CALCR: variants seen among roughly 807,000 people sequenced by gnomAD.
CALCR encodes calcitonin receptor.
Under a neutral mutation model 59.5 loss-of-function variants are expected in CALCR, and 47 were observed. The observed-to-expected ratio is 0.79, with a 90% CI of 0.63 to 1.01. The LOEUF (loss-of-function observed/expected upper bound fraction) is 1.01, where lower values mean the gene tolerates loss of function less well. Among genes scored for constraint, CALCR ranks in the 50% least tolerant of loss-of-function variants. The pLI is 0.00. For synonymous variants in CALCR, 213 were observed against 211.3 expected (o/e 1.01, Z -0.07); for missense variants, 566 against 597.1 (o/e 0.95, Z 0.54).
intron 8 of CALCR, among the ~76,000 whole-genome samples, chr7:93,447,819 C>T (rs945920315): frequency 6.6e-6 from 1 of 151,904 alleles, no homozygotes; most frequent in Non-Finnish European, 1.5e-5. Flanking sequence ...GTTTTCCTTA[C>T]TAAAATGCCA....
At position 93,430,509 on chromosome 7, in the gene CALCR, T is replaced by C. The variant is rs77835354; in HGVS notation, c.1191+3744A>G. ...TATGTTTGGGGAAGATTCCTTGCTC[T>C]AAAGGGTAACAATACCTAAGTATCA... On this transcript the variant is annotated intron_variant, in intron 13 of 13. Coordinates refer to ENST00000426151, the MANE Select transcript of CALCR (RefSeq NM_001742.4). 4.1e-3 allele frequency among the ~76,000 whole-genome samples: 618 copies of C among 152,334 alleles called. 5 individuals are homozygous for C. Among genetic ancestry groups the C allele is most frequent in the African/African-American group, 0.014 (584 of 41,576 alleles).
chr7:93,474,543 A>T (rs369945575), intron 5 of CALCR, among the ~76,000 whole-genome samples: 2 of 151,896 alleles, frequency 1.3e-5, no homozygotes, highest in African/African-American at 4.8e-5. Context: ...GAATTGGCCA[A>T]GCAACTGAAA....
intron 2 of CALCR, among the ~76,000 whole-genome samples, chr7:93,553,867 A>C (rs1286612355): frequency 6.6e-6 from 1 of 152,172 alleles, no homozygotes; most frequent in Admixed American, 6.6e-5. Flanking sequence ...TACATGGTAC[A>C]AATCCATGCT....
intron 2 of CALCR, among the ~76,000 whole-genome samples, chr7:93,522,856 T>A (rs986270248): frequency 2.0e-5 from 3 of 152,206 alleles, no homozygotes; most frequent in African/African-American, 4.8e-5. Context: ...AGTCATGTTC[T>A]GTTATGCCAC....
chr7:93,456,416 TG>T (rs1173346730), intron 8 of CALCR, among the ~76,000 whole-genome samples: 2 of 151,870 alleles, frequency 1.3e-5, no homozygotes, highest in Non-Finnish European at 2.9e-5. Flanking sequence ...CCAAGTTTTT[TG>T]CCTCTTTGTT....
chr7:93,432,908 A>G (rs1184211124), intron 13 of CALCR, among the ~76,000 whole-genome samples: 1 of 152,216 alleles, frequency 6.6e-6, no homozygotes, highest in Non-Finnish European at 1.5e-5. Flanking sequence ...TCTAAAAAAT[A>G]TTAAAATTCT....
chr7:93,464,572 T>C (rs1415271205), intron 7 of CALCR, among the ~76,000 whole-genome samples: 2 of 151,990 alleles, frequency 1.3e-5, no homozygotes, highest in Non-Finnish European at 2.9e-5. Flanking sequence ...CAATATATTA[T>C]ATATCTTCCC....
chr7:93,484,070 A>T, intron 3 of CALCR: 1 of 476,212 alleles, frequency 2.1e-6, no homozygotes, highest in Non-Finnish European at 4.6e-6. Flanking sequence ...TCAGTCGACA[A>T]ATACTTTGAG....
chr7:93,473,913 A>T (rs1800610675), intron 5 of CALCR, among the ~76,000 whole-genome samples: 1 of 151,620 alleles, frequency 6.6e-6, no homozygotes, highest in Non-Finnish European at 1.5e-5. Context: ...TTTTTTAGGC[A>T]GTGTATATGT....
intron 3 of CALCR, among the ~76,000 whole-genome samples, chr7:93,481,382 T>C (rs1800793045): frequency 6.6e-6 from 1 of 151,728 alleles, no homozygotes; most frequent in Non-Finnish European, 1.5e-5. Context: ...GATCAGTCCA[T>C]GTTGGAACAA....
chr7:93,427,996 T>A (rs1347647082), intron 13 of CALCR, among the ~76,000 whole-genome samples: 1 of 152,068 alleles, frequency 6.6e-6, no homozygotes, highest in Non-Finnish European at 1.5e-5. Flanking sequence ...AGGCAACACA[T>A]CCTGAGTTTT....
intron 2 of CALCR, among the ~76,000 whole-genome samples, chr7:93,561,982 C>A (rs1476547277): frequency 6.6e-6 from 1 of 151,992 alleles, no homozygotes; most frequent in Non-Finnish European, 1.5e-5. Context: ...TAAGCCTCAT[C>A]ATTTCCTGGA....
At chr7:93,521,462 G>A (rs1294361754) in intron 2 of CALCR, among the ~76,000 whole-genome samples, 1 of 152,008 alleles carries the variant, frequency 6.6e-6, no homozygotes, top group Non-Finnish European at 1.5e-5. Context: ...TTCCCAAATA[G>A]ATATTTTTTC....
chr7:93,553,069 C>A (rs996065410), intron 2 of CALCR, among the ~76,000 whole-genome samples: 5 of 152,082 alleles, frequency 3.3e-5, no homozygotes, highest in African/African-American at 4.8e-5. Context: ...AAATATATCA[C>A]GTTATTTTAG....
intron 13 of CALCR, among the ~76,000 whole-genome samples, chr7:93,426,857 C>T (rs1378624332): frequency 2.6e-5 from 4 of 152,120 alleles, no homozygotes. Flanking sequence ...CTTTCATATC[C>T]AATGAATAAA....
chr7:93,549,684 C>A (rs958026435), intron 2 of CALCR, among the ~76,000 whole-genome samples: 3 of 152,150 alleles, frequency 2.0e-5, no homozygotes, highest in African/African-American at 7.2e-5. Context: ...GATAAACCTC[C>A]TCTATTAGGG....
intron 9 of CALCR, 42 bp downstream of exon 9, chr7:93,443,562 G>A: frequency 5.7e-6 from 9 of 1,583,416 alleles, no homozygotes; most frequent in Non-Finnish European, 7.8e-6. Context: ...CATACAGACA[G>A]AGGTGAAAGT....
At chr7:93,531,454 T>C (rs1168546963) in intron 2 of CALCR, among the ~76,000 whole-genome samples, 1 of 152,094 alleles carries the variant, frequency 6.6e-6, no homozygotes, top group African/African-American at 2.4e-5. Flanking sequence ...CCATCACACA[T>C]TAACTTTACA....
At chr7:93,526,411 G>T (rs866934433) in intron 2 of CALCR, among the ~76,000 whole-genome samples, 1 of 151,792 alleles carries the variant, frequency 6.6e-6, no homozygotes, top group African/African-American at 2.4e-5. Flanking sequence ...AAAAGGCAGA[G>T]AATTACCAAT....
Sources: allele counts gnomAD v4.1 joint callset (sites outside exome capture counted in the v4.1 genomes callset), GRCh38; gene constraint gnomAD v4.1.1; transcripts MANE v1.5; gene names NCBI Gene and HGNC (gene_info 2026-07-23, HGNC 2026-07-21).